IKZF3: variants seen among roughly 807,000 people sequenced by gnomAD.
IKZF3 encodes IKAROS family zinc finger 3, also known as zinc finger protein Aiolos.
IKZF3 carries 10 observed loss-of-function variants against 49.0 expected under a neutral mutation model. That is an observed-to-expected ratio of 0.20 (90% CI 0.13 to 0.35). IKZF3 has a LOEUF of 0.35. IKZF3 is among the 10% of genes least tolerant of loss of function. IKZF3 has a pLI of 1.00. For missense variants in IKZF3, 498 were observed against 664.8 expected, an observed-to-expected ratio of 0.75 and a Z score of 2.76; for synonymous variants, 209 against 228.2, an observed-to-expected ratio of 0.92 and a Z score of 0.76.
intron 3 of IKZF3, among the ~76,000 whole-genome samples, chr17:39,819,974 C>A (rs762577589): frequency 6.6e-6 from 1 of 152,142 alleles, no homozygotes; most frequent in Non-Finnish European, 1.5e-5. Context: ...CTGCACCCAG[C>A]CTATTTTCTT....
intron 3 of IKZF3, among the ~76,000 whole-genome samples, chr17:39,798,813 A>G (rs2061241544): frequency 6.6e-6 from 1 of 152,082 alleles, no homozygotes. Flanking sequence ...CCACTGTCCT[A>G]CACATTTTTA....
At chr17:39,770,328 G>A (rs935397929) in intron 7 of IKZF3, among the ~76,000 whole-genome samples, 20 of 152,212 alleles carry the variant, frequency 1.3e-4, no homozygotes, top group African/African-American at 4.8e-4. Flanking sequence ...GGCTGAATTA[G>A]AGGTCTTCTT....
chr17:39,770,900 G>A (rs1012722305), intron 7 of IKZF3, among the ~76,000 whole-genome samples: 7 of 151,684 alleles, frequency 4.6e-5, no homozygotes, highest in African/African-American at 1.7e-4. Flanking sequence ...CCGTCTCCTG[G>A]GTTCAAGTGA....
intron 7 of IKZF3, among the ~76,000 whole-genome samples, 176 bp from the exon 8 acceptor site, chr17:39,766,669 A>G (rs753092323): frequency 6.6e-6 from 1 of 152,206 alleles, no homozygotes; most frequent in Non-Finnish European, 1.5e-5. Context: ...GTCGGCAGCA[A>G]CGTGTTTGGA....
chr17:39,846,744 A>G (rs1328289729), intron 1 of IKZF3, among the ~76,000 whole-genome samples: 1 of 152,110 alleles, frequency 6.6e-6, no homozygotes, highest in Non-Finnish European at 1.5e-5. Flanking sequence ...CTTTATTTCT[A>G]ATACTGTACT....
chr17:39,798,503 A>G (rs1001002220), intron 3 of IKZF3, among the ~76,000 whole-genome samples: 9 of 145,858 alleles, frequency 6.2e-5, no homozygotes, highest in African/African-American at 2.1e-4. Flanking sequence ...TACACATCCT[A>G]CGTATTTTTT....
chr17:39,782,648 G>A (rs2060773603), intron 6 of IKZF3, among the ~76,000 whole-genome samples: 3 of 152,082 alleles, frequency 2.0e-5, no homozygotes, highest in Non-Finnish European at 2.9e-5. Flanking sequence ...AACCAGTTTG[G>A]CAAGATAGTA....
intron 3 of IKZF3, among the ~76,000 whole-genome samples, chr17:39,794,685 T>C (rs1486213033): frequency 6.6e-6 from 1 of 152,234 alleles, no homozygotes; most frequent in Non-Finnish European, 1.5e-5. Flanking sequence ...GCCCACCCTA[T>C]GGATCTGGAT....
Position 39,791,653 on chromosome 17 carries a change from C to T in IKZF3, c.425-70G>A, listed in dbSNP as rs1009401052. 4.1e-6 allele frequency: 6 copies of T among 1,473,858 alleles called. No individual in the cohort carries two copies. In the Admixed American group the frequency reaches 7.0e-5, roughly 17 times the overall value. The allele number at this position is 1,473,858 out of a possible 1,614,324, so 91.3% of individuals were successfully genotyped here. A position where few individuals can be genotyped will look rare whatever the true frequency, so the allele number is the denominator to read the frequency against. On this transcript the variant is annotated intron_variant, in intron 4 of 7. Transcript: ENST00000346872. The stretch of plus-strand genomic sequence containing the variant: ...GAGAAACATATGCACAGATTAGATG[C>T]CTAGGGGAAAAGCTCATCTTTTAGA...
At chr17:39,796,806 A>G (rs1049586000) in intron 3 of IKZF3, among the ~76,000 whole-genome samples, 1 of 145,014 alleles carries the variant, frequency 6.9e-6, no homozygotes, top group African/African-American at 2.5e-5. Context: ...TCGGCCTCCC[A>G]AACTGCTGGG....
chr17:39,792,191 G>A (rs572267762), intron 4 of IKZF3, among the ~76,000 whole-genome samples: 2 of 152,238 alleles, frequency 1.3e-5, no homozygotes, highest in East Asian at 1.9e-4. Flanking sequence ...GGAATCGACT[G>A]GCTCAAGTGC....
rs760885750 is a variant in IKZF3, at chr17:39,832,131, G to C, written c.28C>G (p.Leu10Val). MEDIQTNAELKSTQEQSVPA... is the reference protein window; with the variant it reads MEDIQTNAEVKSTQEQSVPA... ...ACAGACTGCTCCTGAGTGCTTTTCA[G>C]TTCCGCATTTGTTTGTATATCTGAA... Residue 10 changes from leucine (L) to valine (V), a missense_variant, in exon 2 of 8, where the codon CTG becomes GTG. Coordinates refer to ENST00000346872, the MANE Select transcript of IKZF3 (RefSeq NM_012481.5). 4.3e-6 allele frequency: 7 copies of C among 1,612,384 alleles called. No homozygotes were observed. Among genetic ancestry groups the C allele is most frequent in the Non-Finnish European group, 5.1e-6 (6 of 1,178,886 alleles).
intron 1 of IKZF3, chr17:39,835,807 C>T: frequency 1.9e-6 from 1 of 526,544 alleles, no homozygotes. Flanking sequence ...TATGCCTCAT[C>T]CACATCCTTC....
chr17:39,839,392 TC>T, intron 1 of IKZF3: 1 of 599,586 alleles, frequency 1.7e-6, no homozygotes, highest in South Asian at 1.5e-5. Context: ...TTGGTTCTTT[TC>T]CAATGTCTCC....
chr17:39,807,065 T>A (rs930203566), intron 3 of IKZF3, among the ~76,000 whole-genome samples: 2 of 152,170 alleles, frequency 1.3e-5, no homozygotes, highest in African/African-American at 4.8e-5. Context: ...ACAGTTCAGG[T>A]CAGTATCTTG....
intron 1 of IKZF3, among the ~76,000 whole-genome samples, chr17:39,856,217 A>C (rs748146625): frequency 1.1e-4 from 16 of 152,182 alleles, no homozygotes; most frequent in Non-Finnish European, 2.1e-4. Context: ...AGCATGTCCC[A>C]AGCAGCTGAG....
chr17:39,824,693 CTTTT>C (rs768606972), intron 3 of IKZF3, among the ~76,000 whole-genome samples: 3 of 141,700 alleles, frequency 2.1e-5, no homozygotes, highest in Non-Finnish European at 3.1e-5. Context: ...GATCTGATGG[CTTTT>C]TTTTTTTTTT....
chr17:39,828,473 A>G (rs1480664054), intron 3 of IKZF3, among the ~76,000 whole-genome samples: 1 of 152,242 alleles, frequency 6.6e-6, no homozygotes, highest in Non-Finnish European at 1.5e-5. Flanking sequence ...AGCTGAGAGT[A>G]AAGGAATGAA....
chr17:39,834,350 T>C (rs1055092315), intron 1 of IKZF3, among the ~76,000 whole-genome samples: 2 of 152,246 alleles, frequency 1.3e-5, no homozygotes, highest in Admixed American at 1.3e-4. Context: ...TTTTAGTGAC[T>C]GACTTTATTC....
Sources: allele counts gnomAD v4.1 joint callset (sites outside exome capture counted in the v4.1 genomes callset), GRCh38; gene constraint gnomAD v4.1.1; transcripts MANE v1.5; gene names NCBI Gene and HGNC (gene_info 2026-07-23, HGNC 2026-07-21).